HMGB1: variants seen among roughly 807,000 people sequenced by gnomAD.
HMGB1 encodes high mobility group protein B1.
For missense variants in HMGB1, 79 were observed against 253.5 expected (o/e 0.31, Z 4.67); for synonymous variants, 81 against 84.0 (o/e 0.96, Z 0.19).
At chr13:30,528,313 T>C (rs906680420) in intron 1 of HMGB1, among the ~76,000 whole-genome samples, 1 of 152,146 alleles carries the variant, frequency 6.6e-6, no homozygotes, top group African/African-American at 2.4e-5. Context: ...ATCAGAGGGA[T>C]GGGATGAAGG....
chr13:30,471,913 C>T (rs561549808), intron 1 of HMGB1, among the ~76,000 whole-genome samples: 2 of 151,968 alleles, frequency 1.3e-5, no homozygotes, highest in Admixed American at 6.5e-5. Flanking sequence ...GTGATCCGCC[C>T]GCCTAAGGCC....
chr13:30,554,287 C>T, intron 1 of HMGB1: 2 of 1,233,476 alleles, frequency 1.6e-6, no homozygotes, highest in Non-Finnish European at 2.4e-6. Flanking sequence ...GCTCCTTGAA[C>T]CCTGACCATG....
chr13:30,549,227 G>T (rs1177589746), intron 1 of HMGB1, among the ~76,000 whole-genome samples: 2 of 152,090 alleles, frequency 1.3e-5, no homozygotes, highest in South Asian at 2.1e-4. Flanking sequence ...AGGGTGCAGT[G>T]AGCCGTAATT....
rs59745521 is a variant in HMGB1, at chr13:30,562,296, CAAA to C, written c.-15+54372_-15+54374del. Among the ~76,000 whole-genome samples, 430 of 126,200 alleles carry C rather than the reference CAAA, an allele frequency of 3.4e-3. 1 individual carries two copies. The highest frequency in any genetic ancestry group is 0.012 in the African/African-American group (396 of 31,914). 82.8% of individuals were successfully genotyped at this position (126,200 alleles called of 152,430 possible). A position where few individuals can be genotyped will look rare whatever the true frequency, so the allele number is the denominator to read the frequency against. ...TGGGCAACAGAGCTAGACTCAGTCT[CAAA>C]AAAAAAAAAAAAAGATGTATTTATT... On this transcript the variant is annotated intron_variant, in intron 1 of 4. Transcript: ENST00000405805.
chr13:30,599,574 A>G (rs1871771191), intron 1 of HMGB1, among the ~76,000 whole-genome samples: 1 of 152,234 alleles, frequency 6.6e-6, no homozygotes, highest in Non-Finnish European at 1.5e-5. Context: ...GAAATCTAAG[A>G]TAAAGTTGTT....
intron 1 of HMGB1, among the ~76,000 whole-genome samples, chr13:30,560,272 T>C (rs1423580232): frequency 6.6e-6 from 1 of 152,030 alleles, no homozygotes; most frequent in East Asian, 1.9e-4. Flanking sequence ...AGTTCCATGG[T>C]GGGGTGGTCA....
At chr13:30,536,637 A>C (rs1593296135) in intron 1 of HMGB1, among the ~76,000 whole-genome samples, 1 of 152,210 alleles carries the variant, frequency 6.6e-6, no homozygotes, top group African/African-American at 2.4e-5. Flanking sequence ...GGCGTGAGCC[A>C]CCATGCCCGG....
At chr13:30,610,348 C>G (rs561986088) in intron 1 of HMGB1, among the ~76,000 whole-genome samples, 1 of 152,190 alleles carries the variant, frequency 6.6e-6, no homozygotes, top group Admixed American at 6.5e-5. Flanking sequence ...TGCAACAACT[C>G]TAGAAGAGAG....
At chr13:30,477,421 G>A (rs1430853050) in intron 1 of HMGB1, among the ~76,000 whole-genome samples, 1 of 152,160 alleles carries the variant, frequency 6.6e-6, no homozygotes, top group Non-Finnish European at 1.5e-5. Flanking sequence ...GACAAGTGCA[G>A]GTGCTGAGGC....
At chr13:30,489,749 TC>T (rs199567900) in intron 1 of HMGB1, among the ~76,000 whole-genome samples, 7,661 of 146,926 alleles carry the variant, frequency 0.052, 658 homozygotes, top group African/African-American at 0.17. Context: ...TTTTTTTTTT[TC>T]CTGAGACGGA....
At chr13:30,557,099 T>C (rs1452766416) in intron 1 of HMGB1, among the ~76,000 whole-genome samples, 1 of 152,204 alleles carries the variant, frequency 6.6e-6, no homozygotes, top group Non-Finnish European at 1.5e-5. Context: ...TTTACTTATA[T>C]AACAAATTAA....
At chr13:30,491,893 G>A (rs1887502509) in intron 1 of HMGB1, among the ~76,000 whole-genome samples, 3 of 152,184 alleles carry the variant, frequency 2.0e-5, no homozygotes, top group South Asian at 4.1e-4. Context: ...CATTGGCCAG[G>A]TGCGGTGGCT....
chr13:30,596,045 G>A (rs1416144234), intron 1 of HMGB1, among the ~76,000 whole-genome samples: 1 of 152,144 alleles, frequency 6.6e-6, no homozygotes, highest in Non-Finnish European at 1.5e-5. Context: ...AAACACCAGG[G>A]GAGTGCGAAG....
intron 1 of HMGB1, among the ~76,000 whole-genome samples, chr13:30,571,032 C>G (rs576493360): frequency 6.6e-6 from 1 of 152,236 alleles, no homozygotes; most frequent in South Asian, 2.1e-4. Context: ...AAGTCAGGCT[C>G]ATGAATAAAT....
chr13:30,476,052 C>A (rs1887088124), intron 1 of HMGB1, among the ~76,000 whole-genome samples: 1 of 150,390 alleles, frequency 6.6e-6, no homozygotes, highest in South Asian at 2.1e-4. Context: ...CACTTATTGT[C>A]ATCATACAAA....
intron 1 of HMGB1, chr13:30,464,497 G>T (rs1886586385): frequency 3.0e-6 from 3 of 984,808 alleles, no homozygotes; most frequent in South Asian, 9.4e-5. Context: ...AACTTCGCCG[G>T]TGGCCGCGCG....
rs145292118 is a variant in HMGB1 at position 30,521,072 on chromosome 13, T to C, written c.-14-57378A>G. Among the ~76,000 whole-genome samples, 582 of 152,324 alleles carry C rather than the reference T, an allele frequency of 3.8e-3. 5 individuals are homozygous for C. The highest frequency in any genetic ancestry group is 0.013 in the African/African-American group (551 of 41,572). On this transcript the variant is annotated intron_variant, in intron 1 of 4. Transcript: ENST00000405805. The stretch of plus-strand genomic sequence containing the variant: ...GCAGATTGTGAGACCTCTTCCATTA[T>C]GTGTCCTGAATTTCAGACATGTTGG...
At chr13:30,609,794 CTG>C (rs755684709) in intron 1 of HMGB1, among the ~76,000 whole-genome samples, 1 of 152,166 alleles carries the variant, frequency 6.6e-6, no homozygotes, top group Non-Finnish European at 1.5e-5. Flanking sequence ...TCTTATGCCT[CTG>C]TGTTTTTATA....
intron 1 of HMGB1, among the ~76,000 whole-genome samples, chr13:30,522,902 C>T (rs1455058399): frequency 5.3e-5 from 8 of 152,068 alleles, no homozygotes; most frequent in Admixed American, 1.3e-4. Flanking sequence ...TTTTAGTAGA[C>T]AGGGTTTCGC....
Sources: gnomAD v4.1 joint callset for allele counts (sites outside exome capture counted in the v4.1 genomes callset) on GRCh38, gnomAD v4.1.1 for gene constraint, MANE v1.5 for transcripts, NCBI Gene and HGNC (gene_info 2026-07-23, HGNC 2026-07-21) for gene names.